LHX4: variants seen among roughly 807,000 people sequenced by gnomAD.
The protein encoded by LHX4 is LIM homeobox 4, also known as LIM/homeobox protein Lhx4.
A neutral mutation model predicts 39.2 loss-of-function variants in LHX4; 16 were observed. That is an observed-to-expected ratio of 0.41 (90% confidence interval 0.28 to 0.62). LHX4 has a LOEUF of 0.62. Among genes scored for constraint, LHX4 ranks in the 20% least tolerant of loss-of-function variants. The probability of loss-of-function intolerance (pLI) is 0.33; values close to 1 mark genes in which losing one functional copy is unlikely to be tolerated. For missense variants in LHX4, 439 were observed against 511.9 expected, an observed-to-expected ratio of 0.86 and a Z score of 1.37; for synonymous variants, 206 against 198.1, an observed-to-expected ratio of 1.04 and a Z score of -0.33.
In LHX4 at chr1:180,271,705, C is replaced by T. The variant is rs1218932632; in HGVS notation, c.607-130C>T. On this transcript the variant is annotated intron_variant, in intron 4 of 5. Coordinates refer to ENST00000263726, the MANE Select transcript of LHX4 (RefSeq NM_033343.4). Reference sequence around the variant, plus strand: ...GCCCACCTGGGGAGAGGGGGTGGGGCGCATCGCACTCCCAGACCTGTGCTC... The same window carrying T: ...GCCCACCTGGGGAGAGGGGGTGGGGTGCATCGCACTCCCAGACCTGTGCTC... The T allele has an allele frequency of 1.0e-5, 13 of 1,268,658 alleles. No individual in the cohort carries two copies. In the Middle Eastern group the frequency reaches 7.6e-4, roughly 74 times the overall value. The allele number at this position is 1,268,658 out of a possible 1,614,324, so 78.6% of individuals were successfully genotyped here.
At chr1:180,233,011 G>A (rs1214218202) in intron 1 of LHX4, among the ~76,000 whole-genome samples, 2 of 152,192 alleles carry the variant, frequency 1.3e-5, no homozygotes, top group African/African-American at 2.4e-5. Context: ...GAGTCACCAC[G>A]AATGGAGCAC....
chr1:180,240,106 C>T (rs528771072), intron 1 of LHX4, among the ~76,000 whole-genome samples: 3 of 152,344 alleles, frequency 2.0e-5, no homozygotes, highest in African/African-American at 7.2e-5. Flanking sequence ...AAGCAAAAGC[C>T]TCACAGGAGG....
chr1:180,254,527 A>G lies in LHX4; in HGVS notation c.248+6071A>G, dbSNP rs7551535. On this transcript the variant is annotated intron_variant, in intron 2 of 5. Transcript: ENST00000263726. ...GCGCATTTCTGCCTGGCGTGGCTGC[A>G]GGGTGGTGGTGCTGGCTGCAGACAG... is the stretch of plus-strand genomic sequence containing the variant. Among the ~76,000 whole-genome samples, 700 of 152,342 alleles carry G rather than the reference A, an allele frequency of 4.6e-3. 9 individuals are homozygous for G. The highest frequency in any genetic ancestry group is 0.016 in the African/African-American group (645 of 41,574).
chr1:180,269,266 A>T lies in LHX4; in HGVS notation c.452-2114A>T, dbSNP rs1648485674. ...TACCTTGCAGAACGCTCTCTCCTAAATTAACAGCCCAGGGTATCATGGGCT... is the reference window on the plus strand; with the variant it reads ...TACCTTGCAGAACGCTCTCTCCTAATTTAACAGCCCAGGGTATCATGGGCT... On this transcript the variant is annotated intron_variant, in intron 3 of 5. Coordinates refer to ENST00000263726, the MANE Select transcript of LHX4 (RefSeq NM_033343.4). 2.0e-5 allele frequency among the ~76,000 whole-genome samples: 3 copies of T among 152,076 alleles called. No homozygotes were observed. The South Asian group carries it at 6.2e-4, about 32-fold the overall frequency.
chr1:180,271,703 G>C (rs761227558), intron 4 of LHX4, 132 bp from the exon 5 acceptor site: 36 of 1,279,948 alleles, frequency 2.8e-5, no homozygotes, highest in Non-Finnish European at 3.9e-5. Context: ...GAGGGGGTGG[G>C]GCGCATCGCA....
At chr1:180,272,637 T>A (rs1429272556) in intron 5 of LHX4, 2 of 152,428 alleles carry the variant, frequency 1.3e-5, no homozygotes, top group African/African-American at 4.8e-5. Flanking sequence ...CCTCAGGTTG[T>A]TTGCAAAGAA....
chr1:180,234,220 T>TATATATATATAAAAAA lies in LHX4; in HGVS notation c.76+3616_76+3617insTATATATATAAAAAAA, dbSNP rs1389328209. Among the ~76,000 whole-genome samples the TATATATATATAAAAAA allele has an allele frequency of 1.4e-5, 1 of 70,230 alleles. No homozygotes were observed. Among genetic ancestry groups the TATATATATATAAAAAA allele is most frequent in the African/African-American group, 7.6e-5 (1 of 13,230 alleles). The allele number at this position is 70,230 out of a possible 152,430, so 46.1% of individuals were successfully genotyped here. A position where few individuals can be genotyped will look rare whatever the true frequency, so the allele number is the denominator to read the frequency against. On this transcript the variant is annotated intron_variant, in intron 1 of 5. Coordinates refer to ENST00000263726, the MANE Select transcript of LHX4 (RefSeq NM_033343.4). This position sits in a 1 kb window ranked among gnomAD's most constrained non-coding sequence, Gnocchi z 4.8. ...ATATATATATATATATATATATATA[T>TATATATATATAAAAAA]AATAGATTGAGATTCTATCATATTC...
At chr1:180,251,694 GAGGCCCAGGCTGCTTGCAAATGCTC>G (rs772794994) in intron 2 of LHX4, among the ~76,000 whole-genome samples, 2 of 152,166 alleles carry the variant, frequency 1.3e-5, no homozygotes, top group African/African-American at 4.8e-5. Context: ...TTGAGTGAGG[GAGGCCCAGGCTGCTTGCAAATGCTC>G]AGGCCCATCA....
intron 3 of LHX4, among the ~76,000 whole-genome samples, chr1:180,268,736 G>C (rs535863297): frequency 6.6e-6 from 1 of 152,324 alleles, no homozygotes; most frequent in East Asian, 1.9e-4. Context: ...ATGTTACACA[G>C]TATTTCTGGC....
intron 2 of LHX4, among the ~76,000 whole-genome samples, chr1:180,254,128 G>T (rs1647744385): frequency 1.3e-5 from 2 of 152,216 alleles, no homozygotes; most frequent in South Asian, 4.1e-4. Flanking sequence ...AGCCACTGGG[G>T]CTCCATATTT....
chr1:180,244,815 GC>G (rs1365732128), intron 1 of LHX4, among the ~76,000 whole-genome samples: 3 of 152,248 alleles, frequency 2.0e-5, no homozygotes, highest in African/African-American at 4.8e-5. Context: ...AGAGTTAATT[GC>G]CCCCCTGGGA....
At chr1:180,267,771 C>T (rs1204553048) in intron 3 of LHX4, among the ~76,000 whole-genome samples, 2 of 152,164 alleles carry the variant, frequency 1.3e-5, no homozygotes, top group African/African-American at 4.8e-5. Flanking sequence ...TGGGCCCACA[C>T]ACATATTATA....
At chr1:180,253,875 T>A (rs1647732043) in intron 2 of LHX4, among the ~76,000 whole-genome samples, 1 of 152,162 alleles carries the variant, frequency 6.6e-6, no homozygotes, top group South Asian at 2.1e-4. Context: ...TGGAGATGAC[T>A]CTTAACTGCC....
chr1:180,264,378 AACACAC>A (rs10561933), intron 2 of LHX4, among the ~76,000 whole-genome samples: 3,271 of 145,318 alleles, frequency 0.023, 46 homozygotes, highest in Middle Eastern at 0.032. Flanking sequence ...ACACACACAT[AACACAC>A]ACACACACAC....
chr1:180,259,619 C>T (rs943399918), intron 2 of LHX4, among the ~76,000 whole-genome samples: 2 of 151,554 alleles, frequency 1.3e-5, no homozygotes, highest in African/African-American at 2.4e-5. Context: ...TTCTGACCCC[C>T]GGCCCCCGAG....
At chr1:180,272,077 C>T in intron 5 of LHX4, 71 bp downstream of exon 5, 1 of 1,417,912 alleles carries the variant, frequency 7.1e-7, no homozygotes, top group Non-Finnish European at 9.6e-7. Context: ...CCCTGGCACT[C>T]AGGAGGGATC....
intron 2 of LHX4, among the ~76,000 whole-genome samples, chr1:180,264,377 TAACACA>T (rs925976293): frequency 1.6e-5 from 1 of 61,660 alleles, no homozygotes; most frequent in Non-Finnish European, 3.0e-5. Flanking sequence ...CACACACACA[TAACACA>T]CACACACACA....
intron 3 of LHX4, among the ~76,000 whole-genome samples, chr1:180,267,773 CATATT>C (rs1259316301): frequency 6.6e-6 from 1 of 152,160 alleles, no homozygotes; most frequent in Non-Finnish European, 1.5e-5. Flanking sequence ...GGCCCACACA[CATATT>C]ATACAGATCT....
rs753997433 is a variant in LHX4 at position 180,266,447 on chromosome 1, G to A, written c.304G>A (p.Val102Ile). 6.2e-7 allele frequency: 1 copy of A among 1,614,220 alleles called. No homozygotes were observed. Among genetic ancestry groups the A allele is most frequent in the East Asian group, 2.2e-5 (1 of 44,886 alleles). ...CQQGIPPTQV[V>I]RKAQDFVYHL... is the part of the protein sequence containing the mutation. ...GCAGGGTATCCCCCCAACCCAGGTGGTCCGCAAGGCCCAGGACTTTGTCTA... is the reference window on the plus strand; with the variant it reads ...GCAGGGTATCCCCCCAACCCAGGTGATCCGCAAGGCCCAGGACTTTGTCTA... The change falls in exon 3 of 6, where the codon GTC becomes ATC. Residue 102 changes from valine (V) to isoleucine (I), a missense_variant. Val to Ile is a conservative substitution (Grantham distance 29, BLOSUM62 3). Coordinates refer to ENST00000263726, the MANE Select transcript of LHX4 (RefSeq NM_033343.4). The surrounding 1 kb of genome is among the most constrained non-coding windows in gnomAD (Gnocchi z 5.7).
Sources: allele counts gnomAD v4.1 joint callset (sites outside exome capture counted in the v4.1 genomes callset), GRCh38; gene constraint gnomAD v4.1.1; non-coding constraint Gnocchi (gnomAD v3.1); transcripts MANE v1.5; gene names NCBI Gene and HGNC (gene_info 2026-07-23, HGNC 2026-07-21).